Variants in PPARA observed in about 807,000 individuals in gnomAD.
PPARA encodes the protein peroxisome proliferator-activated receptor alpha.
PPARA carries 22 observed loss-of-function variants against 42.2 expected under a neutral mutation model. That is an observed-to-expected ratio of 0.52 (90% CI 0.37 to 0.74). The LOEUF (loss-of-function observed/expected upper bound fraction) is 0.74. PPARA is among the 30% of genes least tolerant of loss of function. The pLI, the probability that PPARA is intolerant of heterozygous loss-of-function variation, is 0.00. For synonymous variants in PPARA, 242 were observed against 239.3 expected (o/e 1.01, Z -0.10); for missense variants, 465 against 608.2 (o/e 0.76, Z 2.48).
intron 4 of PPARA, among the ~76,000 whole-genome samples, chr22:46,214,669 G>C (rs753321948): frequency 1.4e-5 from 2 of 145,968 alleles, no homozygotes; most frequent in Non-Finnish European, 3.0e-5. Flanking sequence ...CGGGTCCGGA[G>C]ACGCGCGGGT....
intron 4 of PPARA, among the ~76,000 whole-genome samples, 185 bp from the exon 5 acceptor site, chr22:46,214,988 C>T (rs1043203194): frequency 2.6e-5 from 4 of 152,104 alleles, no homozygotes; most frequent in Non-Finnish European, 5.9e-5. Flanking sequence ...GAGCACAGCA[C>T]AATGGCAGCT....
At position 46,196,333 on chromosome 22, in the gene PPARA, A is replaced by G. The variant is rs921345260; in HGVS notation, c.-42-2009A>G. On this transcript the variant is annotated intron_variant, in intron 3 of 8. Coordinates refer to ENST00000407236, the MANE Select transcript of PPARA (RefSeq NM_005036.6). The surrounding 1 kb of genome is among the most constrained non-coding windows in gnomAD (Gnocchi z 5.6). ...GACTCCACAAAGTATTCTTGACCATACAATCATGGTCGAGGACCCCCTACA... is the reference window on the plus strand; with the variant it reads ...GACTCCACAAAGTATTCTTGACCATGCAATCATGGTCGAGGACCCCCTACA... 2.0e-5 allele frequency among the ~76,000 whole-genome samples: 3 copies of G among 152,176 alleles called. No individual in the cohort carries two copies. The highest frequency in any genetic ancestry group is 7.2e-5 in the African/African-American group (3 of 41,436).
intron 2 of PPARA, among the ~76,000 whole-genome samples, chr22:46,157,185 G>A (rs950763588): frequency 6.6e-6 from 1 of 152,178 alleles, no homozygotes; most frequent in African/African-American, 2.4e-5. Context: ...CCCGCTAGCC[G>A]TGTAAACTGA....
intron 3 of PPARA, among the ~76,000 whole-genome samples, chr22:46,177,247 T>C (rs1046525479): frequency 2.0e-5 from 3 of 151,636 alleles, no homozygotes; most frequent in East Asian, 1.9e-4. Context: ...ATAATCTGTT[T>C]AATAGCCTAC....
chr22:46,207,534 C>T (rs1417599040), intron 4 of PPARA, among the ~76,000 whole-genome samples: 9 of 150,304 alleles, frequency 6.0e-5, no homozygotes, highest in South Asian at 2.1e-4. Context: ...CCGCCCACCT[C>T]GGCCTCCCAA....
rs559289322 is a variant in PPARA at position 46,230,932 on chromosome 22, C to A, written c.712-860C>A. On this transcript the variant is annotated intron_variant, in intron 7 of 8. Coordinates refer to ENST00000407236, the MANE Select transcript of PPARA (RefSeq NM_005036.6). The surrounding 1 kb of genome is among the most constrained non-coding windows in gnomAD (Gnocchi z 5.0). ...ATATACTGGTAAAATTAAGAATGATCGTAATTAAGCCTCTTGCAATAGTCA... is the reference window on the plus strand; with the variant it reads ...ATATACTGGTAAAATTAAGAATGATAGTAATTAAGCCTCTTGCAATAGTCA... 1.3e-5 allele frequency among the ~76,000 whole-genome samples: 2 copies of A among 152,158 alleles called. No individual in the cohort carries two copies. The highest frequency in any genetic ancestry group is 3.8e-4 in the East Asian group (2 of 5,206).
In PPARA at chr22:46,196,648, T is replaced by A. The variant is rs1601712320; in HGVS notation, c.-42-1694T>A. 6.6e-6 allele frequency among the ~76,000 whole-genome samples: 1 copy of A among 152,322 alleles called. No individual in the cohort carries two copies. Among genetic ancestry groups the A allele is most frequent in the East Asian group, 1.9e-4 (1 of 5,178 alleles). Reference sequence around the variant, plus strand: ...CACCCCGGACACTCCACACGTGCATTCATTTCGTTGTTCACCATCTGTGTC... The same window carrying A: ...CACCCCGGACACTCCACACGTGCATACATTTCGTTGTTCACCATCTGTGTC... On this transcript the variant is annotated intron_variant, in intron 3 of 8. Coordinates refer to ENST00000407236, the MANE Select transcript of PPARA (RefSeq NM_005036.6). This position sits in a 1 kb window ranked among gnomAD's most constrained non-coding sequence, Gnocchi z 5.6.
At chr22:46,178,638 G>C (rs1464187594) in intron 3 of PPARA, among the ~76,000 whole-genome samples, 1 of 152,152 alleles carries the variant, frequency 6.6e-6, no homozygotes, top group Non-Finnish European at 1.5e-5. Context: ...GTACTTCTTG[G>C]TGCATCCATA....
At position 46,193,856 on chromosome 22, in the gene PPARA, C is replaced by T. The variant is rs1005055293; in HGVS notation, c.-42-4486C>T. Among the ~76,000 whole-genome samples the T allele has an allele frequency of 6.6e-6, 1 of 152,272 alleles. No individual in the cohort carries two copies. The highest frequency in any genetic ancestry group is 6.5e-5 in the Admixed American group (1 of 15,292). On this transcript the variant is annotated intron_variant, in intron 3 of 8. Transcript: ENST00000407236. This position sits in a 1 kb window ranked among gnomAD's most constrained non-coding sequence, Gnocchi z 5.3. ...GTCTTGCCTCCTGGACCAGAGGTTG[C>T]AGTTGTTGAGAAAAGGGATGGTTGG...
At chr22:46,185,917 ATATATATATATAT>A (rs1194496439) in intron 3 of PPARA, among the ~76,000 whole-genome samples, 172 of 10,102 alleles carry the variant, frequency 0.017, 13 homozygotes, top group Non-Finnish European at 0.023. Context: ...AAAAAAAAAA[ATATATATATATAT>A]ATATATATAT....
Position 46,215,962 on chromosome 22 carries a change from A to G in PPARA, c.369+629A>G, listed in dbSNP as rs530183059. On this transcript the variant is annotated intron_variant, in intron 5 of 8. Coordinates refer to ENST00000407236, the MANE Select transcript of PPARA (RefSeq NM_005036.6). ...TCCCTCCCCACCCCCATCTGTGGAA[A>G]AATTGTCTTCCATGAAACCGGTCCC... is the stretch of plus-strand genomic sequence containing the variant. 3.3e-5 allele frequency among the ~76,000 whole-genome samples: 5 copies of G among 152,260 alleles called. No homozygotes were observed. The South Asian group carries it at 8.3e-4, about 25-fold the overall frequency.
rs188975243 is a variant in PPARA, at chr22:46,241,681, G to A, written c.*6301G>A. The A allele has an allele frequency of 2.8e-4, 42 of 152,308 alleles. No homozygotes were observed. In the East Asian group the frequency reaches 3.3e-3, roughly 12 times the overall value. 9.4% of individuals were successfully genotyped at this position (152,308 alleles called of 1,614,324 possible). A position where few individuals can be genotyped will look rare whatever the true frequency, so the allele number is the denominator to read the frequency against. ...TTCTCAGAATTTCAGTTTGAGACAT[G>A]AGAGGTATAATCAGTTACTTTTCTC... On this transcript the variant is annotated 3_prime_UTR_variant, in exon 9 of 9. Transcript: ENST00000407236. The surrounding 1 kb of genome is among the most constrained non-coding windows in gnomAD (Gnocchi z 5.7).
intron 7 of PPARA, among the ~76,000 whole-genome samples, chr22:46,226,197 TCA>T (rs1419597962): frequency 6.6e-6 from 1 of 150,732 alleles, no homozygotes; most frequent in Non-Finnish European, 1.5e-5. Context: ...ATACCCACAC[TCA>T]CATGTGTGCA....
chr22:46,220,232 ACTAAGTT>A, intron 7 of PPARA: 1 of 624,774 alleles, frequency 1.6e-6, no homozygotes, highest in African/African-American at 1.8e-5. Context: ...GCTCTTAGCA[ACTAAGTT>A]ATTATACTGG....
chr22:46,223,163 C>T (rs768500454), intron 7 of PPARA, among the ~76,000 whole-genome samples: 4 of 151,854 alleles, frequency 2.6e-5, no homozygotes, highest in African/African-American at 7.3e-5. Flanking sequence ...AAAAAAAATT[C>T]GAAGCAGAGT....
intron 7 of PPARA, among the ~76,000 whole-genome samples, chr22:46,223,142 C>T (rs550032473): frequency 5.3e-5 from 8 of 152,202 alleles, no homozygotes; most frequent in East Asian, 3.9e-4. Context: ...GGCGACAAAG[C>T]GAGACTCTCT....
chr22:46,185,316 G>A (rs928233342), intron 3 of PPARA, among the ~76,000 whole-genome samples: 2 of 152,112 alleles, frequency 1.3e-5, no homozygotes, highest in African/African-American at 4.8e-5. Flanking sequence ...CCTTTTGATA[G>A]CATACTCTTC....
At chr22:46,152,413 G>A (rs1287804514) in intron 2 of PPARA, among the ~76,000 whole-genome samples, 2 of 152,126 alleles carry the variant, frequency 1.3e-5, no homozygotes, top group African/African-American at 4.8e-5. Flanking sequence ...GATTACAGAC[G>A]TGAGCCACCG....
At chr22:46,179,967 T>C (rs1929714559) in intron 3 of PPARA, among the ~76,000 whole-genome samples, 1 of 152,184 alleles carries the variant, frequency 6.6e-6, no homozygotes, top group South Asian at 2.1e-4. Flanking sequence ...AAATTCTCAA[T>C]GTTATCAGTC....
Sources: allele counts gnomAD v4.1 joint callset (sites outside exome capture counted in the v4.1 genomes callset), GRCh38; gene constraint gnomAD v4.1.1; non-coding constraint Gnocchi (gnomAD v3.1); transcripts MANE v1.5; gene names NCBI Gene and HGNC (gene_info 2026-07-23, HGNC 2026-07-21).